Variants in NEGR1 observed in about 807,000 individuals in gnomAD.
The protein encoded by NEGR1 is neuronal growth regulator 1.
In NEGR1, 10 loss-of-function variants were observed where a neutral mutation model predicts 40.9. The ratio of observed to expected loss-of-function variants is 0.24; its 90% CI spans 0.15 to 0.42. The LOEUF is 0.42. Ranked by LOEUF, NEGR1 falls within the 10% of genes least tolerant of loss-of-function variation. The pLI, the probability that NEGR1 is intolerant of heterozygous loss-of-function variation, is 1.00. For missense variants in NEGR1, 352 were observed against 438.9 expected (o/e 0.80, Z 1.77); for synonymous variants, 185 against 166.8 (o/e 1.11, Z -0.84).
intron 4 of NEGR1, among the ~76,000 whole-genome samples, chr1:71,648,628 C>T (rs1237500702): frequency 6.6e-6 from 1 of 151,974 alleles, no homozygotes; most frequent in East Asian, 1.9e-4. Flanking sequence ...AGTTTCCTCA[C>T]GTGGAAACTC....
At chr1:72,226,481 G>C (rs1654194438) in intron 1 of NEGR1, among the ~76,000 whole-genome samples, 1 of 151,942 alleles carries the variant, frequency 6.6e-6, no homozygotes, top group Non-Finnish European at 1.5e-5. Context: ...AGAGAATATT[G>C]AGAAAATAAT....
intron 3 of NEGR1, among the ~76,000 whole-genome samples, chr1:71,756,401 C>CAAAAAAAAAAAAAA (rs1557640456): frequency 3.8e-5 from 2 of 53,118 alleles, no homozygotes; most frequent in Admixed American, 2.1e-4. Flanking sequence ...AAACAAAAAA[C>CAAAAAAAAAAAAAA]AAAAACAAAC....
chr1:72,154,606 A>G (rs1215622085), intron 1 of NEGR1, among the ~76,000 whole-genome samples: 1 of 152,080 alleles, frequency 6.6e-6, no homozygotes, highest in Non-Finnish European at 1.5e-5. Context: ...TAGAGACTGT[A>G]CACTTCATGG....
chr1:71,415,153 A>G (rs1037705711), intron 6 of NEGR1, among the ~76,000 whole-genome samples: 3 of 152,074 alleles, frequency 2.0e-5, no homozygotes, highest in Non-Finnish European at 4.4e-5. Context: ...TGATAAAAAA[A>G]CAATGTCTAT....
At chr1:72,278,809 T>C (rs901730462) in intron 1 of NEGR1, among the ~76,000 whole-genome samples, 19 of 152,144 alleles carry the variant, frequency 1.2e-4, no homozygotes, top group Admixed American at 6.5e-5. Context: ...ACTGTATATA[T>C]TAAATGTAGT....
At chr1:71,870,396 T>C (rs1205877088) in intron 2 of NEGR1, among the ~76,000 whole-genome samples, 1 of 152,190 alleles carries the variant, frequency 6.6e-6, no homozygotes, top group Admixed American at 6.6e-5. Context: ...TTTATAGTTA[T>C]AGAAATGATC....
At chr1:72,261,036 CAAATGAGCATGTTATAA>C (rs1305282599) in intron 1 of NEGR1, among the ~76,000 whole-genome samples, 1 of 151,942 alleles carries the variant, frequency 6.6e-6, no homozygotes, top group Non-Finnish European at 1.5e-5. Flanking sequence ...AGAAGGATCA[CAAATGAGCATGTTATAA>C]AAAATCATTT....
At chr1:71,685,998 C>A (rs1653023876) in intron 4 of NEGR1, among the ~76,000 whole-genome samples, 1 of 151,340 alleles carries the variant, frequency 6.6e-6, no homozygotes, top group East Asian at 2.0e-4. Context: ...TGTTTCTGAG[C>A]AAAATCATAG....
intron 1 of NEGR1, among the ~76,000 whole-genome samples, chr1:72,263,904 T>C (rs1157191473): frequency 6.6e-6 from 1 of 151,536 alleles, no homozygotes; most frequent in Non-Finnish European, 1.5e-5. Flanking sequence ...CTTATCCCTA[T>C]GTAGATTCAT....
chr1:71,929,241 A>G (rs1645831497), intron 2 of NEGR1, among the ~76,000 whole-genome samples: 1 of 152,176 alleles, frequency 6.6e-6, no homozygotes, highest in Non-Finnish European at 1.5e-5. Flanking sequence ...CTAACAAGTT[A>G]TCTTTTTTCA....
At chr1:71,490,327 CTT>C (rs1646918523) in intron 6 of NEGR1, among the ~76,000 whole-genome samples, 1 of 151,944 alleles carries the variant, frequency 6.6e-6, no homozygotes, top group Non-Finnish European at 1.5e-5. Flanking sequence ...TCTCATGACT[CTT>C]TACATCGAGT....
intron 6 of NEGR1, among the ~76,000 whole-genome samples, chr1:71,543,267 G>C (rs1647775174): frequency 6.6e-6 from 1 of 151,596 alleles, no homozygotes; most frequent in South Asian, 2.1e-4. Flanking sequence ...CCCAAAATCT[G>C]CTGGTAACAG....
chr1:72,250,269 A>AC (rs1188557925), intron 1 of NEGR1, among the ~76,000 whole-genome samples: 2 of 151,064 alleles, frequency 1.3e-5, no homozygotes, highest in East Asian at 1.9e-4. Flanking sequence ...TCCCAACAGC[A>AC]CCCCCCAAGC....
chr1:71,865,618 G>C (rs1312010205), intron 2 of NEGR1, among the ~76,000 whole-genome samples: 2 of 152,082 alleles, frequency 1.3e-5, no homozygotes, highest in Non-Finnish European at 2.9e-5. Flanking sequence ...GAGGACTAGG[G>C]GAGGGATAGC....
intron 1 of NEGR1, among the ~76,000 whole-genome samples, chr1:72,076,424 T>A (rs1647736014): frequency 6.6e-6 from 1 of 152,150 alleles, no homozygotes; most frequent in Non-Finnish European, 1.5e-5. Context: ...GATAAATACA[T>A]TTCTGTTGCT....
chr1:71,616,729 G>T (rs58151153), intron 4 of NEGR1, among the ~76,000 whole-genome samples: 1 of 151,998 alleles, frequency 6.6e-6, no homozygotes, highest in Non-Finnish European at 1.5e-5. Flanking sequence ...CCTACACTGC[G>T]CACTTGTCTC....
intron 1 of NEGR1, among the ~76,000 whole-genome samples, chr1:72,278,774 T>C (rs1407981032): frequency 6.6e-6 from 1 of 152,092 alleles, no homozygotes; most frequent in East Asian, 1.9e-4. Flanking sequence ...CATACAAGAT[T>C]AACAAGTTCT....
chr1:71,651,859 A>G (rs1303733912), intron 4 of NEGR1, among the ~76,000 whole-genome samples: 2 of 152,122 alleles, frequency 1.3e-5, no homozygotes, highest in Non-Finnish European at 2.9e-5. Context: ...CAATTTTATA[A>G]GGTGCCAGTA....
intron 2 of NEGR1, among the ~76,000 whole-genome samples, chr1:71,914,244 T>G (rs976459741): frequency 6.6e-6 from 1 of 152,218 alleles, no homozygotes; most frequent in African/African-American, 2.4e-5. Context: ...TTTTCCTTAC[T>G]TCAGTGTCTG....
Sources: allele counts gnomAD v4.1 joint callset (sites outside exome capture counted in the v4.1 genomes callset), GRCh38; gene constraint gnomAD v4.1.1; transcripts MANE v1.5; gene names NCBI Gene and HGNC (gene_info 2026-07-23, HGNC 2026-07-21).